PACS2: variants seen among roughly 807,000 people sequenced by gnomAD.
PACS2 encodes PACS1-like protein.
Under a neutral mutation model 113.0 loss-of-function variants are expected in PACS2, and 36 were observed. That is an observed-to-expected ratio of 0.32 (90% CI 0.24 to 0.42). The LOEUF (loss-of-function observed/expected upper bound fraction) is 0.42. PACS2 is among the 10% of genes least tolerant of loss of function. The pLI, the probability that PACS2 is intolerant of heterozygous loss-of-function variation, is 1.00. For synonymous variants in PACS2, 589 were observed against 536.1 expected (o/e 1.10, Z -1.36); for missense variants, 1,015 against 1,239.5 (o/e 0.82, Z 2.72).
chr14:105,382,715 C>A, intron 14 of PACS2, 92 bp from the exon 15 acceptor site: 1 of 961,468 alleles, frequency 1.0e-6, no homozygotes, highest in East Asian at 2.5e-5. Flanking sequence ...TGCCTGGGGT[C>A]TCTGGAGCCC....
At chr14:105,307,413 A>G (rs2058222207) in intron 1 of PACS2, among the ~76,000 whole-genome samples, 1 of 152,132 alleles carries the variant, frequency 6.6e-6, no homozygotes, top group African/African-American at 2.4e-5. Flanking sequence ...CCTTGCCTGG[A>G]AAATGGCAAT....
chr14:105,394,404 C>A, intron 24 of PACS2, 150 bp from the exon 25 acceptor site: 2 of 1,455,994 alleles, frequency 1.4e-6, no homozygotes, highest in African/African-American at 1.4e-5. Context: ...GCCCCCGAGT[C>A]CCTGAGGAAA....
chr14:105,377,013 C>T (rs894688743), intron 9 of PACS2, 88 bp downstream of exon 9: 5 of 1,388,144 alleles, frequency 3.6e-6, no homozygotes, highest in Non-Finnish European at 3.9e-6. Context: ...CATGTCCAGC[C>T]CTGGAGACGG....
intron 19 of PACS2, chr14:105,389,661 CCGTG>C (rs2081290425): frequency 2.2e-6 from 1 of 446,844 alleles, no homozygotes; most frequent in Non-Finnish European, 4.1e-6. Flanking sequence ...GTGAATCCCT[CCGTG>C]GAGCTGTGCC....
chr14:105,391,368 G>A (rs1467340096), intron 21 of PACS2, 119 bp downstream of exon 21: 2 of 790,712 alleles, frequency 2.5e-6, no homozygotes, highest in African/African-American at 3.4e-5. Flanking sequence ...CCACGTCCCA[G>A]TCTTGCTGTG....
chr14:105,393,521 A>T, intron 24 of PACS2, 186 bp downstream of exon 24: 4 of 467,420 alleles, frequency 8.6e-6, no homozygotes, highest in Non-Finnish European at 1.5e-5. Context: ...CTGAGAAAGA[A>T]TTTTTTTTCA....
intron 24 of PACS2, 115 bp from the exon 25 acceptor site, chr14:105,394,439 C>T (rs1305357826): frequency 1.3e-4 from 193 of 1,526,068 alleles, no homozygotes; most frequent in Non-Finnish European, 1.7e-4. Context: ...CAGCATGGGG[C>T]TCCTTCTCAT....
Position 105,348,271 on chromosome 14 carries a change from C to T in PACS2, c.120-222C>T, listed in dbSNP as rs1363284394. On this transcript the variant is annotated intron_variant, in intron 1 of 24. Coordinates refer to ENST00000447393, the MANE Select transcript of PACS2 (RefSeq NM_001100913.3). This position sits in a 1 kb window ranked among gnomAD's most constrained non-coding sequence, Gnocchi z 6.4. ...CAGGGGCCTTCAGGAGATGGGACCT[C>T]TGGCCCGGCAGCCAACGGATGCTGA... Among the ~76,000 whole-genome samples, 1 of 152,186 alleles carries T rather than the reference C, an allele frequency of 6.6e-6. No individual in the cohort carries two copies. Among genetic ancestry groups the T allele is most frequent in the East Asian group, 1.9e-4 (1 of 5,188 alleles).
upstream of PACS2, among the ~76,000 whole-genome samples, chr14:105,313,400 G>GC (rs1055027540): frequency 1.3e-5 from 2 of 152,188 alleles, no homozygotes; most frequent in African/African-American, 4.8e-5. Flanking sequence ...CGAGCAGCTG[G>GC]CCAAGGTCAG....
intron 1 of PACS2, among the ~76,000 whole-genome samples, chr14:105,343,194 C>T (rs182719496): frequency 1.3e-5 from 2 of 152,318 alleles, no homozygotes; most frequent in East Asian, 3.9e-4. Context: ...CAACACGATG[C>T]CTTCCAGATC....
At position 105,340,522 on chromosome 14, in the gene PACS2, G is replaced by A. The variant is rs1162966831; in HGVS notation, c.120-7971G>A. Reference sequence around the variant, plus strand: ...ATCAGCCATCAGATTCTCATAAGCAGCGTGCAGCCTGGATCCCTCGCGTGC... The same window carrying A: ...ATCAGCCATCAGATTCTCATAAGCAACGTGCAGCCTGGATCCCTCGCGTGC... On this transcript the variant is annotated intron_variant, in intron 1 of 24. Transcript: ENST00000447393. This position sits in a 1 kb window ranked among gnomAD's most constrained non-coding sequence, Gnocchi z 4.2. Among the ~76,000 whole-genome samples, 1 of 152,206 alleles carries A rather than the reference G, an allele frequency of 6.6e-6. No homozygotes were observed. The highest frequency in any genetic ancestry group is 6.5e-5 in the Admixed American group (1 of 15,284).
chr14:105,384,601 G>C, intron 17 of PACS2, 138 bp downstream of exon 17: 1 of 633,352 alleles, frequency 1.6e-6, no homozygotes, highest in Non-Finnish European at 2.8e-6. Flanking sequence ...GCCTGCTGGG[G>C]CCTTGGCCAG....
rs1468420881 is a variant in PACS2, at chr14:105,356,206, C to T, written c.423+1029C>T. Among the ~76,000 whole-genome samples the T allele has an allele frequency of 6.6e-6, 1 of 152,150 alleles. No individual in the cohort carries two copies. The highest frequency in any genetic ancestry group is 2.4e-5 in the African/African-American group (1 of 41,432). On this transcript the variant is annotated intron_variant, in intron 4 of 24. Coordinates refer to ENST00000447393, the MANE Select transcript of PACS2 (RefSeq NM_001100913.3). The surrounding 1 kb of genome is among the most constrained non-coding windows in gnomAD (Gnocchi z 4.0). ...CCTGCAGGCCTCCTGTCTCCCAGGT[C>T]AAGCGCTAGGTCCCCCAGATCCTCA...
chr14:105,392,394 G>A (rs1042163399), intron 22 of PACS2: 11 of 570,362 alleles, frequency 1.9e-5, no homozygotes, highest in African/African-American at 1.5e-4. Context: ...CTCCCAGGCC[G>A]AGGCTCTCCT....
At chr14:105,303,068 A>G (rs1194452977) in intron 1 of PACS2, among the ~76,000 whole-genome samples, 1 of 152,096 alleles carries the variant, frequency 6.6e-6, no homozygotes, top group Non-Finnish European at 1.5e-5. Context: ...AGCTGGAATT[A>G]CAGGCATGTG....
At chr14:105,303,337 G>T (rs937572851) in intron 1 of PACS2, among the ~76,000 whole-genome samples, 2 of 151,952 alleles carry the variant, frequency 1.3e-5, no homozygotes, top group Non-Finnish European at 2.9e-5. Flanking sequence ...TCCACCTCCC[G>T]GGTTCATGCC....
intron 19 of PACS2, among the ~76,000 whole-genome samples, chr14:105,387,171 C>T (rs2081204376): frequency 6.6e-6 from 1 of 152,202 alleles, no homozygotes; most frequent in Non-Finnish European, 1.5e-5. Flanking sequence ...TCTCTGTACC[C>T]AGAGGAGGGT....
chr14:105,353,687 G>A (rs587676998), intron 3 of PACS2, among the ~76,000 whole-genome samples: 8 of 151,776 alleles, frequency 5.3e-5, no homozygotes, highest in Admixed American at 1.3e-4. Flanking sequence ...TCCACCTCCC[G>A]AGTTCAAGCG....
At chr14:105,334,030 G>A (rs2059406077) in intron 1 of PACS2, among the ~76,000 whole-genome samples, 1 of 152,244 alleles carries the variant, frequency 6.6e-6, no homozygotes, top group Non-Finnish European at 1.5e-5. Context: ...CATATGGAGT[G>A]TCCAGCCTGG....
Sources: allele counts gnomAD v4.1 joint callset (sites outside exome capture counted in the v4.1 genomes callset), GRCh38; gene constraint gnomAD v4.1.1; non-coding constraint Gnocchi (gnomAD v3.1); transcripts MANE v1.5; gene names NCBI Gene and HGNC (gene_info 2026-07-23, HGNC 2026-07-21).